Variants in AGBL1 observed in about 807,000 individuals in gnomAD.
The protein encoded by AGBL1 is AGBL carboxypeptidase 1, also known as cytosolic carboxypeptidase 4.
Under a neutral mutation model 118.9 loss-of-function variants are expected in AGBL1, and 130 were observed. The ratio of observed to expected loss-of-function variants is 1.09; its 90% CI spans 0.95 to 1.26. The LOEUF (loss-of-function observed/expected upper bound fraction) is 1.26. Ranked by LOEUF, AGBL1 falls within the 50% of genes most tolerant of loss-of-function variation. The pLI is 0.00. For synonymous variants in AGBL1, 555 were observed against 478.9 expected (o/e 1.16, Z -2.08); for missense variants, 1,584 against 1,298.1 (o/e 1.22, Z -3.38).
At chr15:86,257,570 C>A (rs2078916318) in intron 8 of AGBL1, among the ~76,000 whole-genome samples, 1 of 152,148 alleles carries the variant, frequency 6.6e-6, no homozygotes, top group African/African-American at 2.4e-5. Context: ...CTTCCTCAAT[C>A]AAAAAATTAG....
intron 1 of AGBL1, among the ~76,000 whole-genome samples, chr15:86,112,660 T>A (rs1897466747): frequency 6.6e-6 from 1 of 152,230 alleles, no homozygotes; most frequent in African/African-American, 2.4e-5. Flanking sequence ...TTTGATTAAG[T>A]ATTTCTAAAT....
intron 17 of AGBL1, among the ~76,000 whole-genome samples, chr15:86,362,798 G>T (rs1225286157): frequency 1.3e-5 from 2 of 152,212 alleles, no homozygotes; most frequent in Admixed American, 1.3e-4. Context: ...ACCAAAGTCA[G>T]GTGGATTGCT....
intron 18 of AGBL1, among the ~76,000 whole-genome samples, chr15:86,463,566 G>T (rs568943048): frequency 6.6e-6 from 1 of 152,040 alleles, no homozygotes; most frequent in Admixed American, 6.6e-5. Flanking sequence ...GGTTTTTATG[G>T]TTTTAGGTCT....
At chr15:86,854,800 A>T (rs1483724251) in intron 22 of AGBL1, among the ~76,000 whole-genome samples, 1 of 152,174 alleles carries the variant, frequency 6.6e-6, no homozygotes, top group East Asian at 1.9e-4. Flanking sequence ...CCTGTATAGA[A>T]ATTCTCAGAC....
intron 22 of AGBL1, among the ~76,000 whole-genome samples, chr15:86,711,063 A>G (rs2086547690): frequency 6.6e-6 from 1 of 152,170 alleles, no homozygotes; most frequent in South Asian, 2.1e-4. Flanking sequence ...CCCTGATCAC[A>G]TAGGACTCTA....
intron 22 of AGBL1, among the ~76,000 whole-genome samples, chr15:86,845,585 G>T (rs2079306619): frequency 6.6e-6 from 1 of 152,144 alleles, no homozygotes; most frequent in African/African-American, 2.4e-5. Context: ...TTAGCACAGT[G>T]ATACTGGCCC....
At chr15:86,122,879 T>G (rs1053523571) in intron 1 of AGBL1, among the ~76,000 whole-genome samples, 1 of 152,134 alleles carries the variant, frequency 6.6e-6, no homozygotes, top group Non-Finnish European at 1.5e-5. Context: ...AGCATTAACA[T>G]TAAAACAGAG....
chr15:86,421,828 C>T (rs1048213848), intron 18 of AGBL1, among the ~76,000 whole-genome samples: 17 of 152,224 alleles, frequency 1.1e-4, no homozygotes, highest in African/African-American at 3.1e-4. Flanking sequence ...AGACTTTAAA[C>T]CAACAAAGAT....
chr15:86,565,545 G>T (rs1327149610), intron 21 of AGBL1, among the ~76,000 whole-genome samples: 1 of 152,146 alleles, frequency 6.6e-6, no homozygotes, highest in Non-Finnish European at 1.5e-5. Context: ...GCCCCTACTG[G>T]GGGGTGCCTC....
At position 86,192,419 on chromosome 15, in the gene AGBL1, T is replaced by G. The variant is rs377566775; in HGVS notation, c.489-32495T>G. 1.5e-3 allele frequency among the ~76,000 whole-genome samples: 231 copies of G among 151,900 alleles called. 3 individuals are homozygous for G. In the South Asian group the frequency reaches 0.046, roughly 30 times the overall value. Reference sequence around the variant, plus strand: ...AAAACATGAATCCAATAATGCAATGTACATACATATGTGTATGTGCACATG... The same window carrying G: ...AAAACATGAATCCAATAATGCAATGGACATACATATGTGTATGTGCACATG... On this transcript the variant is annotated intron_variant, in intron 5 of 22. Coordinates refer to ENST00000614907, the MANE Select transcript of AGBL1 (RefSeq NM_001386094.1).
At chr15:86,390,526 T>G (rs1304918175) in intron 17 of AGBL1, among the ~76,000 whole-genome samples, 1 of 152,144 alleles carries the variant, frequency 6.6e-6, no homozygotes, top group Non-Finnish European at 1.5e-5. Context: ...TTGTGGCATA[T>G]TCATTGCTAT....
At chr15:86,851,844 T>C (rs2079411138) in intron 22 of AGBL1, among the ~76,000 whole-genome samples, 1 of 152,102 alleles carries the variant, frequency 6.6e-6, no homozygotes, top group Admixed American at 6.6e-5. Context: ...CAACAGAGAT[T>C]TGAATTTCAT....
At chr15:86,461,630 A>C (rs1157791360) in intron 18 of AGBL1, among the ~76,000 whole-genome samples, 1 of 152,208 alleles carries the variant, frequency 6.6e-6, no homozygotes, top group Middle Eastern at 3.2e-3. Flanking sequence ...GTAATTTTCA[A>C]ACTATTATTT....
intron 22 of AGBL1, among the ~76,000 whole-genome samples, chr15:86,891,989 A>G (rs1055817895): frequency 6.6e-6 from 1 of 152,192 alleles, no homozygotes; most frequent in Admixed American, 6.6e-5. Flanking sequence ...ACTTTTAGCT[A>G]TTGACCATAC....
At position 86,910,033 on chromosome 15, in the gene AGBL1, G is replaced by A. The variant is rs965404688; in HGVS notation, c.*2739G>A. Reference sequence around the variant, plus strand: ...AAGAAAGACCTATTTTGTGCCCTCAGTAACCAGACAAAGAAGAACAATAAA... The same window carrying A: ...AAGAAAGACCTATTTTGTGCCCTCAATAACCAGACAAAGAAGAACAATAAA... On this transcript the variant is annotated 3_prime_UTR_variant, in exon 23 of 23. Transcript: ENST00000614907. The A allele has an allele frequency of 6.6e-6, 1 of 152,212 alleles. No homozygotes were observed. The highest frequency in any genetic ancestry group is 2.4e-5 in the African/African-American group (1 of 41,460). The allele number at this position is 152,212 out of a possible 1,614,324, so 9.4% of individuals were successfully genotyped here.
chr15:86,464,157 C>A (rs1037657112), intron 18 of AGBL1, among the ~76,000 whole-genome samples: 7 of 152,102 alleles, frequency 4.6e-5, no homozygotes, highest in Non-Finnish European at 8.8e-5. Context: ...GTCTTCGTGT[C>A]CCTTGTAAGT....
chr15:86,234,013 A>C (rs1328706709), intron 6 of AGBL1, among the ~76,000 whole-genome samples: 1 of 152,016 alleles, frequency 6.6e-6, no homozygotes, highest in Non-Finnish European at 1.5e-5. Context: ...GTCACATAAG[A>C]TATTGTTGGG....
chr15:86,526,544 G>GTATA (rs1555422465), intron 19 of AGBL1, among the ~76,000 whole-genome samples: 7,679 of 118,954 alleles, frequency 0.065, 270 homozygotes, highest in Middle Eastern at 0.085. Context: ...TTGTGTCTGT[G>GTATA]TATATATATA....
At chr15:86,880,112 C>G (rs2079869479) in intron 22 of AGBL1, among the ~76,000 whole-genome samples, 1 of 152,230 alleles carries the variant, frequency 6.6e-6, no homozygotes, top group African/African-American at 2.4e-5. Flanking sequence ...CCGACATTTA[C>G]ATTTTTCTTT....
Sources: gnomAD v4.1 joint callset for allele counts (sites outside exome capture counted in the v4.1 genomes callset) on GRCh38, gnomAD v4.1.1 for gene constraint, MANE v1.5 for transcripts, NCBI Gene and HGNC (gene_info 2026-07-23, HGNC 2026-07-21) for gene names.